Variants in MIPEP observed in about 807,000 individuals in gnomAD.
MIPEP encodes mitochondrial intermediate peptidase.
A neutral mutation model predicts 90.3 loss-of-function variants in MIPEP; 79 were observed. The observed-to-expected ratio is 0.87, with a 90% CI of 0.73 to 1.05. The LOEUF is 1.05. Ranked by LOEUF, MIPEP falls within the 50% of genes least tolerant of loss-of-function variation. The pLI is 0.00. For synonymous variants in MIPEP, 334 were observed against 315.8 expected (o/e 1.06, Z -0.61); for missense variants, 940 against 905.6 (o/e 1.04, Z -0.49).
At position 23,760,228 on chromosome 13, in the gene MIPEP, C is replaced by G. The variant is rs376771690; in HGVS notation, c.1849-11G>C. The G allele has an allele frequency of 4.4e-5, 71 of 1,613,880 alleles. No individual in the cohort carries two copies. In the East Asian group the frequency reaches 7.8e-4, roughly 18 times the overall value. On this transcript the variant is annotated splice_polypyrimidine_tract_variant and intron_variant, in intron 16 of 18. Coordinates refer to ENST00000382172, the MANE Select transcript of MIPEP (RefSeq NM_005932.4). The stretch of plus-strand genomic sequence containing the variant: ...TCGCAGCTGCCAGGCCTGCCAAGAA[C>G]AGAGAGACACAGCACGGGACACAAG...
intron 18 of MIPEP, among the ~76,000 whole-genome samples, chr13:23,736,884 C>T (rs1952270311): frequency 6.6e-6 from 1 of 152,124 alleles, no homozygotes; most frequent in African/African-American, 2.4e-5. Flanking sequence ...AAACAGAAGC[C>T]AAGAGAGTCA....
chr13:23,746,387 A>C (rs1360539372), intron 18 of MIPEP, among the ~76,000 whole-genome samples: 1 of 151,520 alleles, frequency 6.6e-6, no homozygotes, highest in Non-Finnish European at 1.5e-5. Context: ...TAATCTCAGC[A>C]CTTTGGGAGG....
At chr13:23,804,494 C>G (rs1479601420) in intron 16 of MIPEP, among the ~76,000 whole-genome samples, 1 of 152,194 alleles carries the variant, frequency 6.6e-6, no homozygotes, top group Non-Finnish European at 1.5e-5. Context: ...TTAGATTATT[C>G]TTATCACTAT....
At chr13:23,744,939 T>G (rs1272219782) in intron 18 of MIPEP, among the ~76,000 whole-genome samples, 2 of 152,220 alleles carry the variant, frequency 1.3e-5, no homozygotes, top group African/African-American at 2.4e-5. Flanking sequence ...TTTGAGTGTG[T>G]GACTTAAGCT....
chr13:23,825,864 A>C (rs114268129), intron 14 of MIPEP, among the ~76,000 whole-genome samples: 90 of 152,316 alleles, frequency 5.9e-4, no homozygotes, highest in African/African-American at 2.1e-3. Context: ...GAAAGGACTA[A>C]ATAAGAAAAA....
In MIPEP at chr13:23,889,266, G is replaced by A; in HGVS notation, c.55C>T (p.Pro19Ser). 5.1e-6 allele frequency: 7 copies of A among 1,383,532 alleles called. No individual in the cohort carries two copies. Among genetic ancestry groups the A allele is most frequent in the Non-Finnish European group, 6.6e-6 (7 of 1,068,026 alleles). The allele number at this position is 1,383,532 out of a possible 1,614,324, so 85.7% of individuals were successfully genotyped here. Residue 19 changes from proline to serine, a missense_variant, in exon 1 of 19, where the codon CCC becomes TCC. By Grantham distance (74) the Pro-to-Ser change is moderately conservative. Transcript: ENST00000382172. The part of the protein sequence containing the change: ...GLGARAAALP[P>S]RRAGRGSLEA... ...AGGCTTCCCCGGCCCGCCCGGCGGG[G>A]CGGCAGAGCTGCTGCTCTGGCTCCC...
At chr13:23,801,154 T>C (rs1953034579) in intron 16 of MIPEP, among the ~76,000 whole-genome samples, 3 of 152,186 alleles carry the variant, frequency 2.0e-5, no homozygotes, top group African/African-American at 7.2e-5. Flanking sequence ...GGAGACAAGT[T>C]TACAGGGGGA....
At chr13:23,768,039 G>A (rs1024924954) in intron 16 of MIPEP, among the ~76,000 whole-genome samples, 1 of 152,214 alleles carries the variant, frequency 6.6e-6, no homozygotes, top group Non-Finnish European at 1.5e-5. Flanking sequence ...GACGTGTGCA[G>A]CTGGGTTCTG....
chr13:23,789,822 T>C (rs1952882423), intron 16 of MIPEP, among the ~76,000 whole-genome samples: 1 of 152,152 alleles, frequency 6.6e-6, no homozygotes, highest in Non-Finnish European at 1.5e-5. Flanking sequence ...CACTAGCAGT[T>C]CCACTGCGAT....
intron 18 of MIPEP, among the ~76,000 whole-genome samples, chr13:23,740,401 T>C (rs948078194): frequency 1.3e-5 from 2 of 151,844 alleles, no homozygotes; most frequent in East Asian, 1.9e-4. Context: ...TGGAGCCCTG[T>C]TGTAACTTCT....
chr13:23,821,157 T>G (rs1300977119), intron 14 of MIPEP, among the ~76,000 whole-genome samples: 3 of 152,250 alleles, frequency 2.0e-5, no homozygotes, highest in African/African-American at 7.2e-5. Context: ...AATCTAGTTA[T>G]ACCCTCAGTA....
intron 10 of MIPEP, among the ~76,000 whole-genome samples, chr13:23,843,621 C>A (rs1205665600): frequency 6.6e-6 from 1 of 152,128 alleles, no homozygotes; most frequent in Non-Finnish European, 1.5e-5. Context: ...TGGGAGACAG[C>A]TTCTGTAGGC....
intron 4 of MIPEP, among the ~76,000 whole-genome samples, 194 bp from the exon 5 acceptor site, chr13:23,875,103 G>A (rs954133106): frequency 6.6e-6 from 1 of 150,544 alleles, no homozygotes; most frequent in Non-Finnish European, 1.5e-5. Flanking sequence ...CAGATATTAA[G>A]GCAAACATCA....
intron 14 of MIPEP, among the ~76,000 whole-genome samples, chr13:23,826,764 T>A (rs1378798666): frequency 6.6e-6 from 1 of 150,874 alleles, no homozygotes; most frequent in Non-Finnish European, 1.5e-5. Flanking sequence ...AAGGAGAGAG[T>A]AATAATAAAA....
intron 16 of MIPEP, among the ~76,000 whole-genome samples, chr13:23,766,897 C>T (rs1218193366): frequency 6.6e-6 from 1 of 152,202 alleles, no homozygotes; most frequent in African/African-American, 2.4e-5. Flanking sequence ...GATGTCACTC[C>T]TGTGAATACA....
At position 23,745,913 on chromosome 13, in the gene MIPEP, G is replaced by C. The variant is rs183535439; in HGVS notation, c.2044+10632C>G. On this transcript the variant is annotated intron_variant, in intron 18 of 18. Coordinates refer to ENST00000382172, the MANE Select transcript of MIPEP (RefSeq NM_005932.4). The stretch of plus-strand genomic sequence containing the variant: ...CCACTGAGCTCCAGCCTGGATGACA[G>C]AGCAAGACTATGTCTCAAAACAAAA... Among the ~76,000 whole-genome samples the C allele has an allele frequency of 1.3e-4, 19 of 151,918 alleles. No homozygotes were observed. In the East Asian group the frequency reaches 3.7e-3, roughly 29 times the overall value.
At chr13:23,828,745 C>T (rs1208927215) in intron 14 of MIPEP, among the ~76,000 whole-genome samples, 1 of 152,064 alleles carries the variant, frequency 6.6e-6, no homozygotes. Flanking sequence ...CCAAATTGGC[C>T]TAGAAATTTA....
chr13:23,787,364 AG>A (rs1269449818), intron 16 of MIPEP, among the ~76,000 whole-genome samples: 1 of 150,190 alleles, frequency 6.7e-6, no homozygotes, highest in Non-Finnish European at 1.5e-5. Flanking sequence ...CTCACATGGT[AG>A]GGTGGGGGGA....
chr13:23,757,211 C>T (rs1952498152), intron 17 of MIPEP, among the ~76,000 whole-genome samples: 1 of 152,036 alleles, frequency 6.6e-6, no homozygotes, highest in Admixed American at 6.6e-5. Flanking sequence ...AGTGCCCATC[C>T]TAGATCCTTG....
Sources: gnomAD v4.1 joint callset for allele counts (sites outside exome capture counted in the v4.1 genomes callset) on GRCh38, gnomAD v4.1.1 for gene constraint, MANE v1.5 for transcripts, NCBI Gene and HGNC (gene_info 2026-07-23, HGNC 2026-07-21) for gene names.